Variants in CDC20B observed in about 807,000 individuals in gnomAD.
CDC20B encodes cell division cycle protein 20 homolog B.
A neutral mutation model predicts 64.1 loss-of-function variants in CDC20B; 58 were observed. The observed-to-expected ratio is 0.90, with a 90% CI of 0.73 to 1.13. CDC20B has a LOEUF of 1.13. CDC20B is among the 50% of genes most tolerant of loss of function. The pLI, the probability that CDC20B is intolerant of heterozygous loss-of-function variation, is 0.00. For missense variants in CDC20B, 597 were observed against 633.0 expected, an observed-to-expected ratio of 0.94 and a Z score of 0.61; for synonymous variants, 243 against 230.6, an observed-to-expected ratio of 1.05 and a Z score of -0.49.
chr5:55,126,954 T>A (rs188298965), intron 8 of CDC20B, among the ~76,000 whole-genome samples: 20 of 152,310 alleles, frequency 1.3e-4, no homozygotes, highest in Admixed American at 1.2e-3. Flanking sequence ...CAGCAAAATA[T>A]CCCTTTAGTA....
Position 55,114,355 on chromosome 5 carries a change from C to CATGGGCTGCT in CDC20B, c.1460-38_1460-37insAGCAGCCCAT. On this transcript the variant is annotated intron_variant, in intron 11 of 11. Transcript: ENST00000381375. The surrounding 1 kb of genome is among the most constrained non-coding windows in gnomAD (Gnocchi z 4.1). ...AGGAAAGACAGTTCATACTCCTCCA[C>CATGGGCTGCT]GTTACATGGGCTGCTGCTCAGGACT... The CATGGGCTGCT allele has an allele frequency of 6.2e-7, 1 of 1,609,332 alleles. No individual in the cohort carries two copies. Among genetic ancestry groups the CATGGGCTGCT allele is most frequent in the South Asian group, 1.1e-5 (1 of 90,364 alleles).
intron 2 of CDC20B, among the ~76,000 whole-genome samples, chr5:55,159,308 T>C (rs1743917440): frequency 6.6e-6 from 1 of 152,174 alleles, no homozygotes. Flanking sequence ...TGAGCCACCA[T>C]GCCCGGCCTC....
intron 2 of CDC20B, chr5:55,164,285 T>A (rs942824929): frequency 2.8e-5 from 24 of 861,472 alleles, no homozygotes; most frequent in Non-Finnish European, 3.4e-5. Context: ...ATTTTAAACA[T>A]TTTTTTTTTG....
chr5:55,133,459 A>G lies in CDC20B; in HGVS notation c.650T>C (p.Leu217Pro), dbSNP rs755341204. 1.7e-5 allele frequency: 27 copies of G among 1,582,570 alleles called. No individual in the cohort carries two copies. Among genetic ancestry groups the G allele is most frequent in the Non-Finnish European group, 2.2e-5 (26 of 1,158,458 alleles). ...KSSGDINDSI[L>P]QPEVKIHITG... ...AATATGAATCTTCACCTCTGGTTGG[A>G]GTATGGAATCGTTTATATCACCAGA... is the stretch of plus-strand genomic sequence containing the variant. Residue 217 changes from leucine to proline, a missense_variant, in exon 6 of 12, where the codon CTC (leucine) becomes CCC (proline). Transcript: ENST00000381375.
intron 2 of CDC20B, chr5:55,172,340 T>C (rs1458251942): frequency 6.7e-6 from 3 of 446,034 alleles, no homozygotes; most frequent in African/African-American, 4.1e-5. Context: ...ACTGCCTACC[T>C]GACACATCCC....
At position 55,127,530 on chromosome 5, in the gene CDC20B, A is replaced by G. The variant is rs112314770; in HGVS notation, c.895-179T>C. 2.2e-3 allele frequency among the ~76,000 whole-genome samples: 335 copies of G among 152,334 alleles called. 1 individual carries two copies. The highest frequency in any genetic ancestry group is 7.3e-3 in the African/African-American group (304 of 41,572). The stretch of plus-strand genomic sequence containing the variant: ...TGTATTAGGATCAGCTGGGGAGTCT[A>G]TAACACTATGGATGCTGATTTAGTT... On this transcript the variant is annotated intron_variant, in intron 7 of 11. Coordinates refer to ENST00000381375, the MANE Select transcript of CDC20B (RefSeq NM_001170402.1).
intron 2 of CDC20B, among the ~76,000 whole-genome samples, chr5:55,148,320 T>G (rs1171208989): frequency 6.6e-6 from 1 of 152,210 alleles, no homozygotes; most frequent in East Asian, 1.9e-4. Context: ...CTGTGGAGGT[T>G]AAATTAGTAT....
intron 6 of CDC20B, among the ~76,000 whole-genome samples, chr5:55,129,623 T>C (rs57177129): frequency 0.017 from 2,574 of 152,274 alleles, 88 homozygotes; most frequent in African/African-American, 0.059. Context: ...ATCTCAGCCT[T>C]ACCCCTAAAT....
chr5:55,158,370 C>T (rs1201805545), intron 2 of CDC20B, among the ~76,000 whole-genome samples: 6 of 152,196 alleles, frequency 3.9e-5, no homozygotes, highest in Non-Finnish European at 8.8e-5. Flanking sequence ...ACACATCTTA[C>T]ATACATTTTT....
chr5:55,134,423 G>T (rs1365016431), intron 5 of CDC20B, among the ~76,000 whole-genome samples: 4 of 152,032 alleles, frequency 2.6e-5, no homozygotes, highest in African/African-American at 9.7e-5. Context: ...TGCTGATAAA[G>T]TATCAACAAG....
intron 5 of CDC20B, chr5:55,135,922 T>G (rs1580346767): frequency 6.6e-6 from 1 of 151,992 alleles, no homozygotes. Flanking sequence ...ATCTACATAA[T>G]TTTTAAAAGA....
At chr5:55,136,209 G>A (rs1343571988) in intron 5 of CDC20B, among the ~76,000 whole-genome samples, 5 of 150,672 alleles carry the variant, frequency 3.3e-5, no homozygotes, top group Non-Finnish European at 7.4e-5. Context: ...GCCTCCCAAA[G>A]TGCTGGGATT....
Position 55,120,666 on chromosome 5 carries a change from T to C in CDC20B, c.1216-116A>G. The C allele has an allele frequency of 2.4e-6, 3 of 1,238,026 alleles. No homozygotes were observed. In the South Asian group the frequency reaches 3.9e-5, roughly 16 times the overall value. The allele number at this position is 1,238,026 out of a possible 1,614,324, so 76.7% of individuals were successfully genotyped here. A position where few individuals can be genotyped will look rare whatever the true frequency, so the allele number is the denominator to read the frequency against. ...ACGTCTGCACCTGTCACAGCTCTCC[T>C]GGGCCTGCTATCTAAAGGCAGGAGC... On this transcript the variant is annotated intron_variant, in intron 9 of 11. Coordinates refer to ENST00000381375, the MANE Select transcript of CDC20B (RefSeq NM_001170402.1).
chr5:55,172,969 C>T lies in CDC20B; in HGVS notation c.32G>A (p.Arg11Gln). The change falls in exon 1 of 12, where the codon CGG (arginine) becomes CAG (glutamine). Residue 11 changes from arginine to glutamine, a missense_variant. Physicochemically the swap from Arg to Gln is conservative, Grantham distance 43. Around this residue, in one of 3 missense-constraint regions of CDC20B, gnomAD observed 241 missense variants for 219.2 expected, o/e 1.10. Coordinates refer to ENST00000381375, the MANE Select transcript of CDC20B (RefSeq NM_001170402.1). MEWKLERTAPRRVRTEEEMLW... is the reference protein window; with the variant it reads MEWKLERTAPQRVRTEEEMLW... ...CATCTCCTCTTCCGTGCGGACCCTC[C>T]GAGGCGCGGTGCGCTCCAGTTTCCA... 6.2e-7 allele frequency: 1 copy of T among 1,611,994 alleles called. No homozygotes were observed. Among genetic ancestry groups the T allele is most frequent in the South Asian group, 1.1e-5 (1 of 90,296 alleles).
rs1457145547 is a variant in CDC20B at position 55,172,969 on chromosome 5, C to G, written c.32G>C (p.Arg11Pro). The change falls in exon 1 of 12, where the codon CGG (arginine) becomes CCG (proline). Residue 11 changes from arginine (R) to proline (P), a missense_variant. Coordinates refer to ENST00000381375, the MANE Select transcript of CDC20B (RefSeq NM_001170402.1). MEWKLERTAP[R>P]RVRTEEEMLW... ...CATCTCCTCTTCCGTGCGGACCCTC[C>G]GAGGCGCGGTGCGCTCCAGTTTCCA... 6.2e-7 allele frequency: 1 copy of G among 1,611,874 alleles called. No individual in the cohort carries two copies. The highest frequency in any genetic ancestry group is 8.5e-7 in the Non-Finnish European group (1 of 1,179,288).
intron 7 of CDC20B, among the ~76,000 whole-genome samples, chr5:55,127,736 G>C (rs1742930740): frequency 6.6e-6 from 1 of 152,224 alleles, no homozygotes; most frequent in East Asian, 1.9e-4. Context: ...TGGGTACCCG[G>C]ACACTTCCTA....
At chr5:55,125,139 T>C in intron 8 of CDC20B, 111 bp from the exon 9 acceptor site, 1 of 755,448 alleles carries the variant, frequency 1.3e-6, no homozygotes, top group South Asian at 1.9e-5. Context: ...TAGGACAGAT[T>C]CAAAACACAG....
chr5:55,146,862 T>TAACAACAAAAACAGCTGTAAGTCC lies in CDC20B; in HGVS notation c.127-30_127-7dup, dbSNP rs1743497247. 6 of 1,611,914 alleles carry TAACAACAAAAACAGCTGTAAGTCC rather than the reference T, an allele frequency of 3.7e-6. No homozygotes were observed. The East Asian group carries it at 1.3e-4, about 36-fold the overall frequency. On this transcript the variant is annotated splice_polypyrimidine_tract_variant and splice_region_variant and intron_variant, in intron 2 of 11. Coordinates refer to ENST00000381375, the MANE Select transcript of CDC20B (RefSeq NM_001170402.1). ...GCATTAACTGAATCGAGTACCTGTT[T>TAACAACAAAAACAGCTGTAAGTCC]AACAACAAAAACAGCTGTAAGTCCA...
At chr5:55,156,897 A>AAAT (rs1743824689) in intron 2 of CDC20B, among the ~76,000 whole-genome samples, 1 of 152,054 alleles carries the variant, frequency 6.6e-6, no homozygotes, top group Non-Finnish European at 1.5e-5. Context: ...AATAAATAAA[A>AAAT]AAATAAGTCA....
Sources: allele counts gnomAD v4.1 joint callset (sites outside exome capture counted in the v4.1 genomes callset), GRCh38; gene constraint gnomAD v4.1.1; regional missense constraint gnomAD v4.1.1; non-coding constraint Gnocchi (gnomAD v3.1); transcripts MANE v1.5; gene names NCBI Gene and HGNC (gene_info 2026-07-23, HGNC 2026-07-21).